The following ANK2 variants were observed in gnomAD, a reference collection of about 807,000 sequenced individuals.
ANK2 encodes the protein ankyrin-2.
ANK2 carries 83 observed loss-of-function variants against 360.5 expected under a neutral mutation model. The ratio of observed to expected loss-of-function variants is 0.23; its 90% CI spans 0.19 to 0.28. The LOEUF is 0.28. Among genes scored for constraint, ANK2 ranks in the 10% least tolerant of loss-of-function variants. The pLI, the probability that ANK2 is intolerant of heterozygous loss-of-function variation, is 1.00. For synonymous variants in ANK2, 1,740 were observed against 1,759.5 expected (o/e 0.99, Z 0.28); for missense variants, 4,201 against 4,795.7 (o/e 0.88, Z 3.66).
chr4:112,708,439 A>G, the ANK2 span, among the ~76,000 whole-genome samples: 1 of 152,236 alleles, frequency 6.6e-6, no homozygotes, highest in African/African-American at 2.4e-5. Context: ...TATTAATTAT[A>G]TAATGGAAAT....
chr4:113,008,549 A>G (rs979570560), intron 2 of ANK2, among the ~76,000 whole-genome samples: 1 of 152,176 alleles, frequency 6.6e-6, no homozygotes. Flanking sequence ...AGTTTAACTT[A>G]TGTTTGGTGC....
At chr4:112,735,192 T>G in the ANK2 span, among the ~76,000 whole-genome samples, 1 of 152,038 alleles carries the variant, frequency 6.6e-6, no homozygotes, top group Non-Finnish European at 1.5e-5. Flanking sequence ...TGAGTCCAGC[T>G]TGGGCAACAT....
chr4:112,839,610 C>T (rs2061679010), intron 1 of ANK2, among the ~76,000 whole-genome samples: 1 of 152,112 alleles, frequency 6.6e-6, no homozygotes, highest in African/African-American at 2.4e-5. Context: ...TTTGGAGCAT[C>T]AAAAACTATC....
chr4:113,263,767 A>G (rs968950394), intron 13 of ANK2, among the ~76,000 whole-genome samples: 3 of 152,244 alleles, frequency 2.0e-5, no homozygotes, highest in African/African-American at 7.2e-5. Context: ...TGGTAAATCA[A>G]TCTGTAATAA....
intron 42 of ANK2, among the ~76,000 whole-genome samples, chr4:113,368,253 G>T (rs1265802453): frequency 6.6e-6 from 1 of 152,192 alleles, no homozygotes; most frequent in African/African-American, 2.4e-5. Context: ...CACCTCATTT[G>T]CTCTGTAGCA....
intron 2 of ANK2, chr4:113,034,422 G>C (rs1024490650): frequency 2.0e-5 from 3 of 151,986 alleles, no homozygotes; most frequent in African/African-American, 7.2e-5. Context: ...AAAATATTCA[G>C]GAGAAAAGAC....
At chr4:112,960,678 A>T (rs888437423) in intron 2 of ANK2, among the ~76,000 whole-genome samples, 3 of 152,176 alleles carry the variant, frequency 2.0e-5, no homozygotes, top group Non-Finnish European at 4.4e-5. Context: ...TTTATTCTTT[A>T]AAATGATAAA....
chr4:112,718,138 G>A, the ANK2 span, among the ~76,000 whole-genome samples: 1 of 152,164 alleles, frequency 6.6e-6, no homozygotes, highest in African/African-American at 2.4e-5. Context: ...GCCTATTCTA[G>A]GACTTTCCTC....
chr4:112,734,249 A>G, the ANK2 span, among the ~76,000 whole-genome samples: 1 of 152,222 alleles, frequency 6.6e-6, no homozygotes, highest in African/African-American at 2.4e-5. Context: ...GTCTCTCCTT[A>G]AGAGAACAAG....
At chr4:113,243,916 T>C (rs2041408098) in intron 9 of ANK2, among the ~76,000 whole-genome samples, 1 of 152,226 alleles carries the variant, frequency 6.6e-6, no homozygotes. Flanking sequence ...CTTTTATTAA[T>C]GCTTTTTGGA....
intron 2 of ANK2, among the ~76,000 whole-genome samples, chr4:113,023,075 TG>T (rs2058515849): frequency 6.6e-6 from 1 of 152,132 alleles, no homozygotes. Flanking sequence ...CCAGGGCACA[TG>T]TTTACGAATG....
chr4:112,832,646 C>T (rs1187238012), intron 1 of ANK2, among the ~76,000 whole-genome samples: 1 of 152,092 alleles, frequency 6.6e-6, no homozygotes, highest in Non-Finnish European at 1.5e-5. Flanking sequence ...TAAACTAAGT[C>T]CTGTAAGAAC....
chr4:113,222,583 A>G (rs996888066), intron 4 of ANK2, among the ~76,000 whole-genome samples: 1 of 151,912 alleles, frequency 6.6e-6, no homozygotes, highest in Non-Finnish European at 1.5e-5. Flanking sequence ...AAGAGTACTG[A>G]GTTTGGATCC....
the ANK2 span, among the ~76,000 whole-genome samples, chr4:112,731,732 CAAA>C: frequency 3.0e-5 from 4 of 132,294 alleles, no homozygotes; most frequent in Non-Finnish European, 3.3e-5. Context: ...GACCTTGTCT[CAAA>C]AAAAAAAAAA....
At chr4:112,952,449 A>G (rs1283591800) in intron 2 of ANK2, among the ~76,000 whole-genome samples, 8 of 152,194 alleles carry the variant, frequency 5.3e-5, no homozygotes, top group Admixed American at 1.3e-4. Flanking sequence ...TATAGCTGTT[A>G]TCTTTGCTTT....
intron 2 of ANK2, among the ~76,000 whole-genome samples, chr4:113,003,984 A>G (rs1430586058): frequency 6.6e-6 from 1 of 152,212 alleles, no homozygotes; most frequent in Non-Finnish European, 1.5e-5. Context: ...TAAAAATACA[A>G]TATAAAAGAT....
intron 2 of ANK2, among the ~76,000 whole-genome samples, chr4:112,921,626 A>G (rs1184832545): frequency 6.6e-6 from 1 of 151,734 alleles, no homozygotes; most frequent in Non-Finnish European, 1.5e-5. Flanking sequence ...GGCACATGCC[A>G]GTGCACTTGA....
At chr4:113,051,571 T>C (rs1207029609) in intron 1 of ANK2, among the ~76,000 whole-genome samples, 1 of 152,186 alleles carries the variant, frequency 6.6e-6, no homozygotes, top group Non-Finnish European at 1.5e-5. Flanking sequence ...CCATGAATAT[T>C]GAGTGTTAAA....
At chr4:112,964,080 ATTT>A (rs2036086138) in intron 2 of ANK2, among the ~76,000 whole-genome samples, 1 of 149,338 alleles carries the variant, frequency 6.7e-6, no homozygotes, top group African/African-American at 2.5e-5. Context: ...CCTTTTTAAA[ATTT>A]TTAAGGTTTT....
Sources: allele counts gnomAD v4.1 joint callset (sites outside exome capture counted in the v4.1 genomes callset), GRCh38; gene constraint gnomAD v4.1.1; transcripts MANE v1.5; gene names NCBI Gene and HGNC (gene_info 2026-07-23, HGNC 2026-07-21).